Variants in ARHGAP6 observed in about 807,000 individuals in gnomAD.
The protein encoded by ARHGAP6 is rho GTPase-activating protein 6.
ARHGAP6 carries 16 observed loss-of-function variants against 55.7 expected under a neutral mutation model. The observed-to-expected ratio is 0.29, with a 90% CI of 0.19 to 0.44. The LOEUF (loss-of-function observed/expected upper bound fraction) is 0.44, where lower values mean the gene tolerates loss of function less well. Among genes scored for constraint, ARHGAP6 ranks in the 20% least tolerant of loss-of-function variants. The probability of loss-of-function intolerance (pLI) is 1.00; values close to 1 mark genes in which losing one functional copy is unlikely to be tolerated. For missense variants in ARHGAP6, 698 were observed against 808.9 expected (o/e 0.86, Z 1.66); for synonymous variants, 382 against 360.9 (o/e 1.06, Z -0.66).
At chrX:11,605,257 A>G (rs982956731) in intron 1 of ARHGAP6, among the ~76,000 whole-genome samples, 1 of 111,680 alleles carries the variant, frequency 9.0e-6, no homozygotes, top group African/African-American at 3.3e-5. Context: ...CCTAAGCTTC[A>G]GGTAAAAATG....
At chrX:11,535,617 A>G (rs775500715) in intron 1 of ARHGAP6, among the ~76,000 whole-genome samples, 32 of 111,500 alleles carry the variant, frequency 2.9e-4, no homozygotes, top group African/African-American at 1.0e-3. Flanking sequence ...TTAAGTCACC[A>G]TATTTTTTCC....
At chrX:11,573,425 C>A (rs1358134943) in intron 1 of ARHGAP6, among the ~76,000 whole-genome samples, 1 of 110,501 alleles carries the variant, frequency 9.0e-6, no homozygotes, top group Non-Finnish European at 1.9e-5. Context: ...TTTCCCAGCA[C>A]CATTTATTAA....
intron 1 of ARHGAP6, among the ~76,000 whole-genome samples, chrX:11,358,553 C>T (rs1299704997): frequency 9.5e-6 from 1 of 105,776 alleles, no homozygotes; most frequent in Non-Finnish European, 1.9e-5. Flanking sequence ...GATCTCAGCT[C>T]ACCGCTACCT....
intron 1 of ARHGAP6, among the ~76,000 whole-genome samples, chrX:11,341,685 G>C (rs929491959): frequency 8.9e-6 from 1 of 111,894 alleles, no homozygotes; most frequent in African/African-American, 3.3e-5. Context: ...GTTACACACA[G>C]GGAATTGGAG....
At chrX:11,577,606 T>C (rs1325396806) in intron 1 of ARHGAP6, among the ~76,000 whole-genome samples, 1 of 111,803 alleles carries the variant, frequency 8.9e-6, no homozygotes, top group Non-Finnish European at 1.9e-5. Context: ...AGGAAATACA[T>C]AGAGGGTACC....
chrX:11,344,026 TAGC>T (rs1262450994), intron 1 of ARHGAP6, among the ~76,000 whole-genome samples: 1 of 111,979 alleles, frequency 8.9e-6, no homozygotes, highest in Admixed American at 9.5e-5. Context: ...TATATTTTAT[TAGC>T]AGCAATAATA....
intron 1 of ARHGAP6, among the ~76,000 whole-genome samples, chrX:11,452,191 A>C (rs1402043443): frequency 1.8e-5 from 2 of 112,408 alleles, no homozygotes; most frequent in African/African-American, 6.5e-5. Flanking sequence ...CCTGTCGCCC[A>C]GTATGGAGTG....
intron 1 of ARHGAP6, among the ~76,000 whole-genome samples, chrX:11,486,116 T>G (rs2050508718): frequency 9.0e-6 from 1 of 111,565 alleles, no homozygotes; most frequent in Non-Finnish European, 1.9e-5. Flanking sequence ...ACAAGCCACC[T>G]CCTAATAAGG....
At chrX:11,394,543 TAA>T (rs2049453295) in intron 1 of ARHGAP6, among the ~76,000 whole-genome samples, 1 of 111,970 alleles carries the variant, frequency 8.9e-6, no homozygotes, top group South Asian at 3.7e-4. Flanking sequence ...ATTACTTCAA[TAA>T]AGTTATTTTA....
chrX:11,417,053 T>G (rs2049756595), intron 1 of ARHGAP6, among the ~76,000 whole-genome samples: 1 of 78,397 alleles, frequency 1.3e-5, no homozygotes, highest in Admixed American at 1.6e-4. Flanking sequence ...TTTATATGGG[T>G]GTGTACATAT....
chrX:11,568,152 T>C (rs1008582871), intron 1 of ARHGAP6, among the ~76,000 whole-genome samples: 9 of 111,048 alleles, frequency 8.1e-5, no homozygotes, highest in Non-Finnish European at 3.8e-5. Flanking sequence ...AGGGAGGACC[T>C]GGAAAAAAAA....
chrX:11,138,939 C>T lies in ARHGAP6; in HGVS notation c.2849G>A (p.Trp950Ter), dbSNP rs2045581353. Residue 950 changes from tryptophan (W) to a stop codon, truncating the protein, a stop_gained, in exon 13 of 13, where the codon TGG becomes TAG. Transcript: ENST00000337414. LOFTEE classifies it high-confidence loss of function. Reference sequence around the variant, plus strand: ...CCAGATCTGCCAGCGCTCTCTCTGCCAGTCGAGCCAGCCAGCGTCCCCCAG... The same window carrying T: ...CCAGATCTGCCAGCGCTCTCTCTGCTAGTCGAGCCAGCCAGCGTCCCCCAG... Reference protein sequence around the residue: ...PRLGDAGWLDWQRERWQIWEL... With the variant: ...PRLGDAGWLD 1.7e-6 allele frequency: 2 copies of T among 1,192,420 alleles called. No individual in the cohort carries two copies. The highest frequency in any genetic ancestry group is 2.3e-6 in the Non-Finnish European group (2 of 888,461).
intron 1 of ARHGAP6, chrX:11,427,832 AGG>A: frequency 7.5e-6 from 3 of 397,679 alleles, no homozygotes; most frequent in Admixed American, 1.1e-4. Flanking sequence ...GAGGAGGAGG[AGG>A]AGGAGGAGGA....
At chrX:11,299,108 C>A in intron 1 of ARHGAP6, 2 of 822,317 alleles carry the variant, frequency 2.4e-6, no homozygotes, top group Non-Finnish European at 3.5e-6. Flanking sequence ...TCTATTAGTC[C>A]AAGCAATATG....
At chrX:11,463,383 G>C (rs2096870905) in intron 1 of ARHGAP6, among the ~76,000 whole-genome samples, 1 of 111,921 alleles carries the variant, frequency 8.9e-6, no homozygotes, top group Admixed American at 9.5e-5. Flanking sequence ...CTGTCACCCA[G>C]GCTGGAGTGC....
In ARHGAP6 at chrX:11,489,841, T is replaced by C. The variant is rs768385378; in HGVS notation, c.588+174400A>G. On this transcript the variant is annotated intron_variant, in intron 1 of 12. Transcript: ENST00000337414. ...AGCCAAGGGATTGGTGACTTGACCATAGAGAAAAGAAGGCCATAGAGACAG... is the reference window on the plus strand; with the variant it reads ...AGCCAAGGGATTGGTGACTTGACCACAGAGAAAAGAAGGCCATAGAGACAG... Among the ~76,000 whole-genome samples the C allele has an allele frequency of 2.7e-5, 3 of 111,377 alleles. No individual in the cohort carries two copies. The East Asian group carries it at 8.4e-4, about 31-fold the overall frequency.
intron 1 of ARHGAP6, among the ~76,000 whole-genome samples, chrX:11,271,088 A>G (rs1216008294): frequency 8.9e-6 from 1 of 111,871 alleles, no homozygotes; most frequent in Non-Finnish European, 1.9e-5. Context: ...ATAAGAAGGA[A>G]ACTCAGATAA....
intron 2 of ARHGAP6, among the ~76,000 whole-genome samples, chrX:11,211,511 T>A (rs1392480192): frequency 9.1e-6 from 1 of 109,999 alleles, no homozygotes; most frequent in Non-Finnish European, 1.9e-5. Context: ...ATTACAGGCG[T>A]GGGCCACTGC....
At chrX:11,232,149 A>G (rs990032510) in intron 2 of ARHGAP6, among the ~76,000 whole-genome samples, 2 of 112,007 alleles carry the variant, frequency 1.8e-5, no homozygotes, top group African/African-American at 6.5e-5. Flanking sequence ...AACTACAGTT[A>G]TTCGAGTGTG....
Sources: gnomAD v4.1 joint callset for allele counts (sites outside exome capture counted in the v4.1 genomes callset) on GRCh38, gnomAD v4.1.1 for gene constraint, MANE v1.5 for transcripts, NCBI Gene and HGNC (gene_info 2026-07-23, HGNC 2026-07-21) for gene names.